Variants in DAB1 observed in about 807,000 individuals in gnomAD.
DAB1 encodes disabled homolog 1.
In DAB1, 15 loss-of-function variants were observed where a neutral mutation model predicts 64.6. The observed-to-expected ratio is 0.23, with a 90% CI of 0.16 to 0.36. DAB1 has a LOEUF of 0.36. DAB1 is among the 10% of genes least tolerant of loss of function. DAB1 has a pLI of 1.00. For missense variants in DAB1, 596 were observed against 706.7 expected (o/e 0.84, Z 1.78); for synonymous variants, 235 against 251.9 (o/e 0.93, Z 0.64).
At chr1:57,665,026 C>T (rs999640127) in intron 6 of DAB1, among the ~76,000 whole-genome samples, 1 of 151,850 alleles carries the variant, frequency 6.6e-6, no homozygotes, top group East Asian at 1.9e-4. Context: ...AGGATACTAA[C>T]CTTCTAAAAT....
At chr1:57,393,936 G>A (rs1342776429) in intron 1 of DAB1, among the ~76,000 whole-genome samples, 1 of 152,024 alleles carries the variant, frequency 6.6e-6, no homozygotes, top group African/African-American at 2.4e-5. Flanking sequence ...GGGCAAGATA[G>A]GTGGCCCACA....
At chr1:57,349,210 T>C (rs1342074181) in intron 1 of DAB1, among the ~76,000 whole-genome samples, 1 of 152,208 alleles carries the variant, frequency 6.6e-6, no homozygotes, top group Non-Finnish European at 1.5e-5. Flanking sequence ...TGTTTCATTG[T>C]TCTTCTCTTT....
chr1:58,470,243 G>A (rs1023207094), intron 3 of DAB1, among the ~76,000 whole-genome samples: 26 of 151,144 alleles, frequency 1.7e-4, no homozygotes, highest in East Asian at 3.9e-4. Context: ...GTGCAGTCTC[G>A]GCTCACTGCA....
At position 58,160,846 on chromosome 1, in the gene DAB1, T is replaced by G. The variant is rs148211368; in HGVS notation, n.310-10258A>C. 2.4e-3 allele frequency among the ~76,000 whole-genome samples: 369 copies of G among 152,264 alleles called. 1 individual carries two copies. The highest frequency in any genetic ancestry group is 8.3e-3 in the African/African-American group (344 of 41,558). On this transcript the variant is annotated intron_variant and non_coding_transcript_variant, in intron 4 of 20. Transcript: ENST00000485760. ...CTCCTACCAATACCAATCCAGTGCT[T>G]CTTCTGCTATGTCACTAATATATGT...
At chr1:58,305,978 A>ACCCCCCCC (rs551601188) in intron 4 of DAB1, among the ~76,000 whole-genome samples, 1 of 147,740 alleles carries the variant, frequency 6.8e-6, no homozygotes, top group African/African-American at 2.5e-5. Context: ...TGACAGGAGC[A>ACCCCCCCC]CCCCCCCACC....
Position 57,107,356 on chromosome 1 carries a change from C to T in DAB1, c.306+29187G>A, listed in dbSNP as rs1438229196. 2.8e-5 allele frequency among the ~76,000 whole-genome samples: 4 copies of T among 143,082 alleles called. No homozygotes were observed. In the Admixed American group the frequency reaches 2.9e-4, roughly 10 times the overall value. 93.9% of individuals were successfully genotyped at this position (143,082 alleles called of 152,430 possible). Reference sequence around the variant, plus strand: ...CACCATTGCACTCCAGCCTGGGTGACAGACTGAGACTCTGTTTCATTAAAA... The same window carrying T: ...CACCATTGCACTCCAGCCTGGGTGATAGACTGAGACTCTGTTTCATTAAAA... On this transcript the variant is annotated intron_variant, in intron 4 of 14. Transcript: ENST00000371236.
intron 6 of DAB1, among the ~76,000 whole-genome samples, chr1:57,722,200 C>T (rs1332311059): frequency 6.6e-6 from 1 of 152,090 alleles, no homozygotes; most frequent in Non-Finnish European, 1.5e-5. Flanking sequence ...TTATGTAAAG[C>T]CCACAGAGGT....
chr1:57,730,937 C>T (rs954203817), intron 6 of DAB1, among the ~76,000 whole-genome samples: 1 of 152,128 alleles, frequency 6.6e-6, no homozygotes, highest in Non-Finnish European at 1.5e-5. Context: ...CACAATTAAA[C>T]ATGGAATTAG....
intron 1 of DAB1, among the ~76,000 whole-genome samples, chr1:57,362,066 A>T (rs958284231): frequency 7.2e-5 from 11 of 152,180 alleles, no homozygotes; most frequent in African/African-American, 2.4e-4. Flanking sequence ...AAACAATTAT[A>T]TAGAAGGACA....
Position 58,150,852 on chromosome 1 carries a change from C to T in DAB1, n.310-264G>A, listed in dbSNP as rs545710272. ...TTCCCTCCCCCCACCGTCCCCTCACCCCACGACAAGCCCTGGTGTGTGATG... is the reference window on the plus strand; with the variant it reads ...TTCCCTCCCCCCACCGTCCCCTCACTCCACGACAAGCCCTGGTGTGTGATG... On this transcript the variant is annotated intron_variant and non_coding_transcript_variant, in intron 4 of 20. Coordinates refer to the DAB1 transcript ENST00000485760. Among the ~76,000 whole-genome samples, 7 of 152,232 alleles carry T rather than the reference C, an allele frequency of 4.6e-5. No homozygotes were observed. The East Asian group carries it at 1.4e-3, about 29-fold the overall frequency.
intron 4 of DAB1, among the ~76,000 whole-genome samples, chr1:58,174,174 G>A (rs572071447): frequency 6.6e-6 from 1 of 152,320 alleles, no homozygotes; most frequent in East Asian, 1.9e-4. Flanking sequence ...GTTGGGGATA[G>A]TATGAAATGT....
At chr1:57,878,876 C>T (rs1354670873) in intron 1 of DAB1, 6 of 152,134 alleles carry the variant, frequency 3.9e-5, no homozygotes, top group Non-Finnish European at 5.9e-5. Flanking sequence ...CTCTCCACTT[C>T]TATGAAATAA....
intron 3 of DAB1, among the ~76,000 whole-genome samples, chr1:58,443,596 T>C (rs1277685819): frequency 6.6e-6 from 1 of 152,212 alleles, no homozygotes; most frequent in Non-Finnish European, 1.5e-5. Flanking sequence ...AAGTGCACCA[T>C]TGTAATGTAA....
chr1:57,288,293 A>T (rs1463619112), intron 2 of DAB1, among the ~76,000 whole-genome samples: 1 of 152,214 alleles, frequency 6.6e-6, no homozygotes, highest in Non-Finnish European at 1.5e-5. Context: ...GATGATGATG[A>T]TGATACAGAT....
At chr1:58,404,035 CAGATTTACACAGTGTGTTCTCAGAGGT>C (rs1277186303) in intron 3 of DAB1, among the ~76,000 whole-genome samples, 1 of 152,154 alleles carries the variant, frequency 6.6e-6, no homozygotes, top group Non-Finnish European at 1.5e-5. Context: ...GAACAGACAA[CAGATTTACACAGTGTGTTCTCAGAGGT>C]AGAACTAGAG....
chr1:58,417,539 A>T (rs1355006683), intron 3 of DAB1, among the ~76,000 whole-genome samples: 1 of 152,212 alleles, frequency 6.6e-6, no homozygotes, highest in Admixed American at 6.5e-5. Context: ...CAGTGCAGAA[A>T]GGCTAACTCT....
intron 7 of DAB1, among the ~76,000 whole-genome samples, chr1:57,593,051 T>C (rs1645463813): frequency 6.6e-6 from 1 of 152,190 alleles, no homozygotes; most frequent in Non-Finnish European, 1.5e-5. Context: ...TCAGTGGCAT[T>C]AGGTACGTTC....
At chr1:57,552,306 T>A (rs889663879) in intron 7 of DAB1, among the ~76,000 whole-genome samples, 1 of 152,334 alleles carries the variant, frequency 6.6e-6, no homozygotes, top group African/African-American at 2.4e-5. Context: ...CACTTGGTGC[T>A]AGGCACTATG....
intron 7 of DAB1, among the ~76,000 whole-genome samples, chr1:57,535,498 TCTTGCTCTGTCGCCA>T (rs1644716131): frequency 6.8e-6 from 1 of 146,306 alleles, no homozygotes; most frequent in Non-Finnish European, 1.5e-5. Flanking sequence ...GGAGACTGTG[TCTTGCTCTGTCGCCA>T]GACTGGACTG....
Sources: gnomAD v4.1 joint callset for allele counts (sites outside exome capture counted in the v4.1 genomes callset) on GRCh38, gnomAD v4.1.1 for gene constraint, MANE v1.5 for transcripts, NCBI Gene and HGNC (gene_info 2026-07-23, HGNC 2026-07-21) for gene names.